Variants in NYAP2 observed in about 807,000 individuals in gnomAD.
NYAP2 encodes the protein neuronal tyrosine-phosphorylated phosphoinositide-3-kinase adaptor 2, also known as neuronal tyrosine-phosphorylated phosphoinositide-3-kinase adapter 2.
In NYAP2, 23 loss-of-function variants were observed where a neutral mutation model predicts 50.4. That is an observed-to-expected ratio of 0.46 (90% CI 0.33 to 0.65). The LOEUF (loss-of-function observed/expected upper bound fraction) is 0.65. Ranked by LOEUF, NYAP2 falls within the 30% of genes least tolerant of loss-of-function variation. NYAP2 has a pLI of 0.02. For synonymous variants in NYAP2, 394 were observed against 365.2 expected (o/e 1.08, Z -0.90); for missense variants, 885 against 861.0 (o/e 1.03, Z -0.35).
At chr2:225,544,604 T>C (rs1432239855) in intron 4 of NYAP2, among the ~76,000 whole-genome samples, 1 of 152,142 alleles carries the variant, frequency 6.6e-6, no homozygotes, top group Non-Finnish European at 1.5e-5. Context: ...TTTTTAACAT[T>C]TCGTTGTTTC....
At chr2:225,461,509 T>A (rs769474596) in intron 3 of NYAP2, among the ~76,000 whole-genome samples, 1 of 152,220 alleles carries the variant, frequency 6.6e-6, no homozygotes, top group Non-Finnish European at 1.5e-5. Flanking sequence ...GTTTGAAAGA[T>A]AAACTGGTCT....
chr2:225,682,233 T>C, the NYAP2 span, among the ~76,000 whole-genome samples: 1 of 152,302 alleles, frequency 6.6e-6, no homozygotes, highest in South Asian at 2.1e-4. Context: ...ATAGGGTCTT[T>C]ATTATCTCCC....
At chr2:225,489,888 C>T (rs1342330441) in intron 3 of NYAP2, among the ~76,000 whole-genome samples, 1 of 152,096 alleles carries the variant, frequency 6.6e-6, no homozygotes, top group Non-Finnish European at 1.5e-5. Context: ...TTTAAAGCTC[C>T]CCGGGGTGGA....
At chr2:225,491,227 G>A (rs1400976153) in intron 3 of NYAP2, among the ~76,000 whole-genome samples, 1 of 152,228 alleles carries the variant, frequency 6.6e-6, no homozygotes, top group African/African-American at 2.4e-5. Flanking sequence ...AGCAATAAGT[G>A]ATACATTATA....
intron 4 of NYAP2, among the ~76,000 whole-genome samples, chr2:225,576,823 G>C (rs1345771156): frequency 1.3e-5 from 2 of 152,130 alleles, no homozygotes; most frequent in Admixed American, 6.6e-5. Context: ...AGATATTGTG[G>C]TTAGTAAGGA....
At chr2:225,472,011 T>C (rs1425919563) in intron 3 of NYAP2, among the ~76,000 whole-genome samples, 1 of 152,178 alleles carries the variant, frequency 6.6e-6, no homozygotes, top group African/African-American at 2.4e-5. Flanking sequence ...ATTACCTCAT[T>C]TAATCTCCCT....
At chr2:225,648,034 C>T (rs1431151457) in intron 6 of NYAP2, among the ~76,000 whole-genome samples, 1 of 151,992 alleles carries the variant, frequency 6.6e-6, no homozygotes, top group Non-Finnish European at 1.5e-5. Context: ...GAGTTTTGCT[C>T]TTGTTGCCCA....
intron 4 of NYAP2, among the ~76,000 whole-genome samples, 166 bp downstream of exon 4, chr2:225,513,838 G>C (rs1690878338): frequency 6.6e-6 from 1 of 152,224 alleles, no homozygotes; most frequent in Non-Finnish European, 1.5e-5. Context: ...TTGATGTGTT[G>C]TCAAATTTCC....
intron 3 of NYAP2, among the ~76,000 whole-genome samples, chr2:225,495,006 C>T (rs1044961227): frequency 6.6e-6 from 1 of 152,252 alleles, no homozygotes; most frequent in East Asian, 1.9e-4. Context: ...TATTCAAACA[C>T]TTTTATTTGC....
chr2:225,662,585 A>C, the NYAP2 span, among the ~76,000 whole-genome samples: 3 of 152,292 alleles, frequency 2.0e-5, no homozygotes, highest in Non-Finnish European at 4.4e-5. Context: ...TTGTTTTCTA[A>C]AGTAAATGCT....
At chr2:225,414,570 C>A (rs1380664190) in intron 3 of NYAP2, among the ~76,000 whole-genome samples, 1 of 151,970 alleles carries the variant, frequency 6.6e-6, no homozygotes, top group South Asian at 2.1e-4. Flanking sequence ...TGTATTGAAC[C>A]ATTGACACAC....
chr2:225,420,546 A>G (rs1396686476), intron 3 of NYAP2, among the ~76,000 whole-genome samples: 1 of 152,094 alleles, frequency 6.6e-6, no homozygotes, highest in African/African-American at 2.4e-5. Context: ...AGCTGGCCCA[A>G]CAATAACCGA....
At chr2:225,596,110 C>T (rs1388748057) in intron 5 of NYAP2, among the ~76,000 whole-genome samples, 1 of 152,148 alleles carries the variant, frequency 6.6e-6, no homozygotes, top group Non-Finnish European at 1.5e-5. Flanking sequence ...TAGTGCACTA[C>T]AGCCTCCAAC....
At chr2:225,419,482 C>T (rs1695182002) in intron 3 of NYAP2, among the ~76,000 whole-genome samples, 1 of 152,124 alleles carries the variant, frequency 6.6e-6, no homozygotes, top group Non-Finnish European at 1.5e-5. Flanking sequence ...GTGGGAAAAT[C>T]CTTGTGCCCT....
chr2:225,658,218 A>G (rs1002790478), downstream of NYAP2, among the ~76,000 whole-genome samples: 1 of 152,114 alleles, frequency 6.6e-6, no homozygotes, highest in African/African-American at 2.4e-5. Flanking sequence ...TGTGCAACAC[A>G]TATTAAAATT....
chr2:225,669,721 A>G, the NYAP2 span, among the ~76,000 whole-genome samples: 1 of 152,174 alleles, frequency 6.6e-6, no homozygotes, highest in African/African-American at 2.4e-5. Flanking sequence ...TAAAATGCTG[A>G]AATGGAGAAA....
At chr2:225,472,679 A>T (rs58296347) in intron 3 of NYAP2, among the ~76,000 whole-genome samples, 1,920 of 152,270 alleles carry the variant, frequency 0.013, 43 homozygotes, top group African/African-American at 0.044. Flanking sequence ...CCAAAGAGTA[A>T]TTTTTTTAAT....
intron 3 of NYAP2, among the ~76,000 whole-genome samples, chr2:225,455,674 T>A (rs1000512783): frequency 1.3e-5 from 2 of 152,200 alleles, no homozygotes; most frequent in African/African-American, 4.8e-5. Context: ...CAAATGGATG[T>A]GTTATGAAGA....
chr2:225,508,656 CT>C (rs899744859), intron 3 of NYAP2, among the ~76,000 whole-genome samples: 3 of 152,144 alleles, frequency 2.0e-5, no homozygotes, highest in Admixed American at 6.5e-5. Flanking sequence ...GATCATCAGA[CT>C]GTGATGCAGT....
Sources: allele counts gnomAD v4.1 joint callset (sites outside exome capture counted in the v4.1 genomes callset), GRCh38; gene constraint gnomAD v4.1.1; transcripts MANE v1.5; gene names NCBI Gene and HGNC (gene_info 2026-07-23, HGNC 2026-07-21).